SYT10: variants seen among roughly 807,000 people sequenced by gnomAD.
SYT10 encodes the protein synaptotagmin-10.
SYT10 carries 31 observed loss-of-function variants against 51.1 expected under a neutral mutation model. That is an observed-to-expected ratio of 0.61 (90% CI 0.46 to 0.82). SYT10 has a LOEUF of 0.82. Ranked by LOEUF, SYT10 falls within the 40% of genes least tolerant of loss-of-function variation. SYT10 has a pLI of 0.00. For missense variants in SYT10, 603 were observed against 634.0 expected, an observed-to-expected ratio of 0.95 and a Z score of 0.53; for synonymous variants, 233 against 225.9, an observed-to-expected ratio of 1.03 and a Z score of -0.28.
intron 6 of SYT10, among the ~76,000 whole-genome samples, chr12:33,377,918 G>A (rs902685044): frequency 4.6e-5 from 7 of 152,070 alleles, no homozygotes; most frequent in African/African-American, 9.7e-5. Flanking sequence ...GTGAGCCACC[G>A]CACCCGGTTG....
chr12:33,423,705 A>T (rs1866525194), intron 2 of SYT10, among the ~76,000 whole-genome samples: 1 of 152,148 alleles, frequency 6.6e-6, no homozygotes, highest in Non-Finnish European at 1.5e-5. Flanking sequence ...CAGCCTTCAA[A>T]CTACCTGTCC....
chr12:33,386,102 C>A (rs1461891292), intron 3 of SYT10, among the ~76,000 whole-genome samples: 1 of 152,094 alleles, frequency 6.6e-6, no homozygotes, highest in Non-Finnish European at 1.5e-5. Flanking sequence ...CGGCTCACTG[C>A]AGCCTCCACC....
intron 1 of SYT10, among the ~76,000 whole-genome samples, chr12:33,437,963 A>G (rs948994252): frequency 2.0e-5 from 3 of 152,078 alleles, no homozygotes; most frequent in Admixed American, 1.3e-4. Context: ...TTCCCTATCC[A>G]GGGTCCAAGC....
rs1866067846 is a variant in SYT10, at chr12:33,376,890, C to A, written c.1512G>T (p.Arg504=). The change falls in exon 7 of 7, where the codon CGG becomes CGT. Residue 504 remains arginine (R), a synonymous_variant. Coordinates refer to ENST00000228567, the MANE Select transcript of SYT10 (RefSeq NM_198992.4). ...ATCCTTGACTATCAAAACTGGTCGC[C>A]CGGCCAGGTAACTGAAAGACAAAAA... ...HWHPLLELPG[R]ATSFDSQGSC... The A allele has an allele frequency of 6.2e-7, 1 of 1,613,726 alleles. No individual in the cohort carries two copies. The highest frequency in any genetic ancestry group is 8.5e-7 in the Non-Finnish European group (1 of 1,179,952).
intron 1 of SYT10, among the ~76,000 whole-genome samples, chr12:33,438,559 C>G (rs999219922): frequency 5.9e-5 from 9 of 152,140 alleles, no homozygotes; most frequent in Non-Finnish European, 1.2e-4. Context: ...TTTTTTCCAT[C>G]TCCAGATTTC....
intron 3 of SYT10, among the ~76,000 whole-genome samples, chr12:33,392,742 C>T (rs1866220021): frequency 6.6e-6 from 1 of 151,426 alleles, no homozygotes; most frequent in South Asian, 2.1e-4. Flanking sequence ...GCACTAAATC[C>T]AGGTGAAGCA....
intron 3 of SYT10, among the ~76,000 whole-genome samples, chr12:33,404,414 G>A (rs1866333713): frequency 6.6e-6 from 1 of 151,444 alleles, no homozygotes; most frequent in Admixed American, 6.6e-5. Flanking sequence ...TTTTTGAGAT[G>A]GAGTCTCGCT....
chr12:33,419,188 A>G (rs1325274113), intron 2 of SYT10, among the ~76,000 whole-genome samples: 1 of 152,120 alleles, frequency 6.6e-6, no homozygotes, highest in Non-Finnish European at 1.5e-5. Flanking sequence ...TCCCATTCAG[A>G]CTTTCCAATC....
chr12:33,399,214 C>T lies in SYT10; in HGVS notation c.1077+7575G>A, dbSNP rs531659973. 1.7e-3 allele frequency among the ~76,000 whole-genome samples: 257 copies of T among 152,272 alleles called. 1 individual carries two copies. The highest frequency in any genetic ancestry group is 3.4e-3 in the Middle Eastern group (1 of 294). On this transcript the variant is annotated intron_variant, in intron 3 of 6. Coordinates refer to ENST00000228567, the MANE Select transcript of SYT10 (RefSeq NM_198992.4). ...CTATTCCTTAAGTGGCTGATTGATA[C>T]TCATTTTCAAATGACACCCTTCCAA... is the stretch of plus-strand genomic sequence containing the variant.
chr12:33,439,068 G>C (rs9971799), intron 1 of SYT10, among the ~76,000 whole-genome samples: 1,631 of 152,152 alleles, frequency 0.011, 35 homozygotes, highest in African/African-American at 0.035. Context: ...CTCCGGGAGG[G>C]AGATGGGAGG....
chr12:33,439,565 C>G lies in SYT10; in HGVS notation c.-43G>C. 1 of 1,600,660 alleles carries G rather than the reference C, an allele frequency of 6.2e-7. No homozygotes were observed. The highest frequency in any genetic ancestry group is 1.3e-5 in the African/African-American group (1 of 74,794). ...GTTTTCTCTTTTTTTCCCAGTTAGC[C>G]GTCTTTTCCTCTTCCCGTACCTCTA... On this transcript the variant is annotated 5_prime_UTR_variant, in exon 1 of 7. Coordinates refer to ENST00000228567, the MANE Select transcript of SYT10 (RefSeq NM_198992.4).
chr12:33,420,439 GA>G (rs1272440431), intron 2 of SYT10, among the ~76,000 whole-genome samples: 1 of 151,780 alleles, frequency 6.6e-6, no homozygotes, highest in Non-Finnish European at 1.5e-5. Flanking sequence ...TTGAGGCCAG[GA>G]ATTCAAGACC....
chr12:33,375,985 C>T lies in SYT10; in HGVS notation c.*845G>A, dbSNP rs1307069378. 6.6e-6 allele frequency: 1 copy of T among 152,482 alleles called. No homozygotes were observed. The highest frequency in any genetic ancestry group is 1.5e-5 in the Non-Finnish European group (1 of 67,970). The allele number at this position is 152,482 out of a possible 1,614,324, so 9.4% of individuals were successfully genotyped here. A position where few individuals can be genotyped will look rare whatever the true frequency, so the allele number is the denominator to read the frequency against. ...AATACATGTCACAGTACTTGAGAACCTTACAAACACTTAAAAATTAACTTC... is the reference window on the plus strand; with the variant it reads ...AATACATGTCACAGTACTTGAGAACTTTACAAACACTTAAAAATTAACTTC... On this transcript the variant is annotated 3_prime_UTR_variant, in exon 7 of 7. Coordinates refer to ENST00000228567, the MANE Select transcript of SYT10 (RefSeq NM_198992.4).
chr12:33,424,056 A>T (rs1228968623), intron 2 of SYT10: 1 of 454,238 alleles, frequency 2.2e-6, no homozygotes, highest in Admixed American at 2.4e-5. Flanking sequence ...GATTGATATA[A>T]AAGTTCTAGC....
intron 2 of SYT10, among the ~76,000 whole-genome samples, chr12:33,411,138 A>C (rs1282352173): frequency 6.6e-6 from 1 of 152,196 alleles, no homozygotes; most frequent in East Asian, 1.9e-4. Flanking sequence ...CACACCCTTA[A>C]CCACCATGCT....
intron 2 of SYT10, among the ~76,000 whole-genome samples, chr12:33,419,086 G>T (rs1386483015): frequency 6.6e-6 from 1 of 151,792 alleles, no homozygotes; most frequent in Admixed American, 6.6e-5. Context: ...GACTCCTCAA[G>T]GCCCACCTCT....
At chr12:33,385,046 C>CT (rs948053355) in intron 4 of SYT10, 125 bp downstream of exon 4, 1,684 of 1,153,946 alleles carry the variant, frequency 1.5e-3, no homozygotes, top group South Asian at 1.7e-3. Context: ...AATTTGTAAT[C>CT]TTTTTTTTTC....
chr12:33,401,026 C>CA (rs34168304), intron 3 of SYT10, among the ~76,000 whole-genome samples: 30,715 of 133,150 alleles, frequency 0.23, 3,929 homozygotes, highest in East Asian at 0.64. Flanking sequence ...GATTCTGTCT[C>CA]AAAAAAAAAA....
rs202206285 is a variant in SYT10 at position 33,439,302 on chromosome 12, C to T, written c.151+70G>A. 521 of 1,544,172 alleles carry T rather than the reference C, an allele frequency of 3.4e-4. 3 individuals carry two copies. The highest frequency in any genetic ancestry group is 2.7e-4 in the Non-Finnish European group (306 of 1,150,354). On this transcript the variant is annotated intron_variant, in intron 1 of 6. Transcript: ENST00000228567. The stretch of plus-strand genomic sequence containing the variant: ...GGAGCGGCGCGGGAGGCGCAGAACC[C>T]CGGAGCTTGCAGCCTAGCGCGCGGG...
Sources: gnomAD v4.1 joint callset for allele counts (sites outside exome capture counted in the v4.1 genomes callset) on GRCh38, gnomAD v4.1.1 for gene constraint, MANE v1.5 for transcripts, NCBI Gene and HGNC (gene_info 2026-07-23, HGNC 2026-07-21) for gene names.